Variants in HNRNPU observed in about 807,000 individuals in gnomAD.
HNRNPU encodes the protein HNRNPU antisense RNA 1.
Under a neutral mutation model 94.7 loss-of-function variants are expected in HNRNPU, and 5 were observed. The ratio of observed to expected loss-of-function variants is 0.05; its 90% CI spans 0.03 to 0.11. The LOEUF is 0.11. Among genes scored for constraint, HNRNPU ranks in the 10% least tolerant of loss-of-function variants. The probability of loss-of-function intolerance (pLI) is 1.00; values close to 1 mark genes in which losing one functional copy is unlikely to be tolerated. For synonymous variants in HNRNPU, 434 were observed against 381.6 expected (o/e 1.14, Z -1.60); for missense variants, 710 against 1,049.2 (o/e 0.68, Z 4.47).
chr1:244,864,032 C>G lies in HNRNPU; in HGVS notation c.276G>C (p.Glu92Asp). 6.2e-7 allele frequency: 1 copy of G among 1,611,662 alleles called. No homozygotes were observed. Residue 92 changes from glutamate (E) to aspartate (D), a missense_variant, in exon 1 of 14, where the codon GAG becomes GAC. Transcript: ENST00000640218. ...GDEEEEEEEE[E>D]EEGISALDGD... is the part of the protein sequence containing the mutation. Reference sequence around the variant, plus strand: ...CGTCCAGAGCGGAGATTCCTTCCTCCTCCTCTTCCTCTTCCTCCTCCTCTT... The same window carrying G: ...CGTCCAGAGCGGAGATTCCTTCCTCGTCCTCTTCCTCTTCCTCCTCCTCTT...
rs1390072483 is a variant in HNRNPU, at chr1:244,863,835, T to C, written c.473A>G (p.His158Arg). The change falls in exon 1 of 14, where the codon CAC (histidine) becomes CGC (arginine). Residue 158 changes from histidine (H) to arginine (R), a missense_variant. His to Arg is a conservative substitution (Grantham distance 29, BLOSUM62 0). Transcript: ENST00000640218. The stretch of plus-strand genomic sequence containing the variant: ...CGGCGGTTGAGGCTGCTGCTCCCCG[T>C]GCCCGTTCTCGTCGCCCGCGCCTTC... ...EEEGAGDENG[H>R]GEQQPQPPAT... The C allele has an allele frequency of 6.2e-7, 1 of 1,611,912 alleles. No homozygotes were observed. Among genetic ancestry groups the C allele is most frequent in the South Asian group, 1.1e-5 (1 of 90,970 alleles).
At chr1:244,858,872 A>ATG (rs749876062) in intron 5 of HNRNPU, 31 bp from the exon 6 acceptor site, 16 of 1,037,990 alleles carry the variant, frequency 1.5e-5, no homozygotes, top group Non-Finnish European at 2.4e-5. Context: ...CATGAAGTAG[A>ATG]TGTTTAAAAT....
At chr1:244,858,866 A>AATTATTTTCATGTTTAAAAT in intron 5 of HNRNPU, 25 bp from the exon 6 acceptor site, 1 of 1,096,884 alleles carries the variant, frequency 9.1e-7, no homozygotes, top group South Asian at 1.3e-5. Context: ...AATCTTCATG[A>AATTATTTTCATGTTTAAAAT]AGTAGATGTT....
intron 4 of HNRNPU, 148 bp downstream of exon 4, chr1:244,860,187 C>A (rs1427648569): frequency 3.1e-5 from 19 of 605,438 alleles, no homozygotes; most frequent in Non-Finnish European, 4.6e-5. Flanking sequence ...CTAGTCCGAG[C>A]TACTTGAGAG....
At position 244,852,414 on chromosome 1, in the gene HNRNPU, T is replaced by G. The variant is rs943917962; in HGVS notation, c.*2036A>C. The stretch of plus-strand genomic sequence containing the variant: ...TAAAATGAATTCCTTAATAAGCAAT[T>G]TTAAACTAGAAGATATATCCAAAAC... On this transcript the variant is annotated 3_prime_UTR_variant, in exon 14 of 14. Transcript: ENST00000640218. The G allele has an allele frequency of 1.3e-5, 2 of 152,162 alleles. No individual in the cohort carries two copies. Among genetic ancestry groups the G allele is most frequent in the Non-Finnish European group, 2.9e-5 (2 of 68,014 alleles). 9.4% of individuals were successfully genotyped at this position (152,162 alleles called of 1,614,324 possible).
rs1020599831 is a variant in HNRNPU at position 244,850,989 on chromosome 1, T to C, written c.*3461A>G. 6.6e-5 allele frequency: 10 copies of C among 152,254 alleles called. No individual in the cohort carries two copies. The highest frequency in any genetic ancestry group is 2.2e-4 in the African/African-American group (9 of 41,542). The allele number at this position is 152,254 out of a possible 1,614,324, so 9.4% of individuals were successfully genotyped here. A position where few individuals can be genotyped will look rare whatever the true frequency, so the allele number is the denominator to read the frequency against. The stretch of plus-strand genomic sequence containing the variant: ...ACAAGTTCCATCCACTTTTTTTTTT[T>C]CAAGAGACCAGGTCTCACTATGTTG... On this transcript the variant is annotated 3_prime_UTR_variant, in exon 14 of 14. Coordinates refer to ENST00000640218, the MANE Select transcript of HNRNPU (RefSeq NM_031844.3).
intron 11 of HNRNPU, 100 bp downstream of exon 11, chr1:244,855,804 T>C (rs1468825620): frequency 2.2e-6 from 3 of 1,391,536 alleles, no homozygotes; most frequent in Non-Finnish European, 2.0e-6. Flanking sequence ...ACTGTGACAG[T>C]ATACCATTAA....
intron 5 of HNRNPU, 153 bp from the exon 6 acceptor site, chr1:244,858,994 T>A (rs114666254): frequency 6.7e-6 from 4 of 597,568 alleles, no homozygotes; most frequent in Admixed American, 3.2e-5. Flanking sequence ...TGTACCAGAA[T>A]TGATGGAAGT....
chr1:244,853,064 T>C lies in HNRNPU; in HGVS notation c.*1386A>G, dbSNP rs1680588840. 6.6e-6 allele frequency: 1 copy of C among 152,602 alleles called. No individual in the cohort carries two copies. The highest frequency in any genetic ancestry group is 1.5e-5 in the Non-Finnish European group (1 of 68,014). The allele number at this position is 152,602 out of a possible 1,614,324, so 9.5% of individuals were successfully genotyped here. A position where few individuals can be genotyped will look rare whatever the true frequency, so the allele number is the denominator to read the frequency against. ...TCTGATCCCAGAGTTTCATGTATCA[T>C]ATATATGTATATAAAATAATCAGTT... is the stretch of plus-strand genomic sequence containing the variant. On this transcript the variant is annotated 3_prime_UTR_variant, in exon 14 of 14. Coordinates refer to ENST00000640218, the MANE Select transcript of HNRNPU (RefSeq NM_031844.3).
At chr1:244,861,400 T>C (rs1377395726) in intron 3 of HNRNPU, 1 of 152,332 alleles carries the variant, frequency 6.6e-6, no homozygotes, top group Non-Finnish European at 1.5e-5. Context: ...TGCCAATTCC[T>C]AGCAACTTAT....
At chr1:244,862,758 C>G in intron 1 of HNRNPU, 28 bp from the exon 2 acceptor site, 2 of 1,548,982 alleles carry the variant, frequency 1.3e-6, no homozygotes, top group Non-Finnish European at 1.8e-6. Flanking sequence ...CCCATAAAGG[C>G]CAAGCCTCTA....
chr1:244,858,474 A>T lies in HNRNPU; in HGVS notation c.1231-200T>A, dbSNP rs112642178. The T allele has an allele frequency of 7.2e-3, 4,440 of 613,930 alleles. 152 individuals carry two copies. In the African/African-American group the frequency reaches 0.074, roughly 10 times the overall value. The allele number at this position is 613,930 out of a possible 1,614,324, so 38.0% of individuals were successfully genotyped here. A position where few individuals can be genotyped will look rare whatever the true frequency, so the allele number is the denominator to read the frequency against. The stretch of plus-strand genomic sequence containing the variant: ...ACGTATCTCCAGAACCAGAAACAAT[A>T]CTGACCTAGAAGCTAGACTGAATTT... On this transcript the variant is annotated intron_variant, in intron 6 of 13. Transcript: ENST00000640218.
chr1:244,852,457 G>A lies in HNRNPU; in HGVS notation c.*1993C>T, dbSNP rs1460900809. ...TCCAAAACTTTTTAAAGGCACAAAG[G>A]ACAACTTTAGGACACAACACTGATT... On this transcript the variant is annotated 3_prime_UTR_variant, in exon 14 of 14. Transcript: ENST00000640218. The A allele has an allele frequency of 6.6e-6, 1 of 152,040 alleles. No homozygotes were observed. Among genetic ancestry groups the A allele is most frequent in the Non-Finnish European group, 1.5e-5 (1 of 68,002 alleles). The allele number at this position is 152,040 out of a possible 1,614,324, so 9.4% of individuals were successfully genotyped here.
At position 244,858,072 on chromosome 1, in the gene HNRNPU, T is replaced by C. The variant is rs745596089; in HGVS notation, c.1433A>G (p.Asn478Ser). The C allele has an allele frequency of 3.2e-5, 52 of 1,613,982 alleles. No homozygotes were observed. Among genetic ancestry groups the C allele is most frequent in the Non-Finnish European group, 4.3e-5 (51 of 1,179,978 alleles). Residue 478 changes from asparagine (N) to serine (S), a missense_variant, in exon 7 of 14, where the codon AAC (asparagine) becomes AGC (serine). By Grantham distance (46) the Asn-to-Ser change is conservative (BLOSUM62 1). Around this residue, in one of 8 missense-constraint regions of HNRNPU, gnomAD observed 150 missense variants for 187.9 expected, o/e 0.80. Coordinates refer to ENST00000640218, the MANE Select transcript of HNRNPU (RefSeq NM_031844.3). ...TCTAACTCGATCCTCTAAGGGGACG[T>C]TCTGGATGAAAGTATACTCTTCAGG... ...PIPEEYTFIQ[N>S]VPLEDRVRGP...
chr1:244,853,992 A>T lies in HNRNPU; in HGVS notation c.*458T>A, dbSNP rs1376712060. On this transcript the variant is annotated 3_prime_UTR_variant, in exon 14 of 14. Transcript: ENST00000640218. ...ATGGAGTGTAATATGAGCAGTACAGAGTCTTAATGCAATTCATGAGGACCA... is the reference window on the plus strand; with the variant it reads ...ATGGAGTGTAATATGAGCAGTACAGTGTCTTAATGCAATTCATGAGGACCA... 1 of 182,238 alleles carries T rather than the reference A, an allele frequency of 5.5e-6. No individual in the cohort carries two copies. The allele number at this position is 182,238 out of a possible 1,614,324, so 11.3% of individuals were successfully genotyped here. A position where few individuals can be genotyped will look rare whatever the true frequency, so the allele number is the denominator to read the frequency against.
At position 244,850,561 on chromosome 1, in the gene HNRNPU, G is replaced by A. The variant is rs540917842; in HGVS notation, c.*3889C>T. On this transcript the variant is annotated 3_prime_UTR_variant, in exon 14 of 14. Transcript: ENST00000640218. ...ATTTAGGCAATTAACAATTCGAAGA[G>A]ACTTGTGGTTTATGTATTAGTAATT... The A allele has an allele frequency of 7.1e-5, 10 of 140,364 alleles. 1 individual carries two copies. The highest frequency in any genetic ancestry group is 2.6e-4 in the African/African-American group (10 of 38,522). The allele number at this position is 140,364 out of a possible 1,614,324, so 8.7% of individuals were successfully genotyped here.
At position 244,858,164 on chromosome 1, in the gene HNRNPU, A is replaced by G. The variant is rs768172276; in HGVS notation, c.1341T>C (p.His447=). ...CAACTGCACAGTTGTGGCAGAGAAC[A>G]TGCGGGAACAGTGGCCGTCCAGCAA... The part of the protein sequence containing the change: ...EVLAGRPLFP[H]VLCHNCAVEF... The change falls in exon 7 of 14, where the codon CAT becomes CAC. Residue 447 remains histidine (H), a synonymous_variant. Coordinates refer to ENST00000640218, the MANE Select transcript of HNRNPU (RefSeq NM_031844.3). The G allele has an allele frequency of 6.2e-7, 1 of 1,614,194 alleles. No individual in the cohort carries two copies. Among genetic ancestry groups the G allele is most frequent in the African/African-American group, 1.3e-5 (1 of 75,044 alleles).
At chr1:244,857,850 G>T in intron 7 of HNRNPU, 133 bp from the exon 8 acceptor site, 1 of 1,353,692 alleles carries the variant, frequency 7.4e-7, no homozygotes, top group Non-Finnish European at 1.0e-6. Flanking sequence ...TTTGTTTATG[G>T]AAAGATTAAC....
At position 244,863,761 on chromosome 1, in the gene HNRNPU, C is replaced by T; in HGVS notation, c.547G>A (p.Ala183Thr). Residue 183 changes from alanine to threonine, a missense_variant, in exon 1 of 14, where the codon GCC (alanine) becomes ACC (threonine). Transcript: ENST00000640218. The part of the protein sequence containing the change: ...PQQQRGAAKE[A>T]AGKSSGPTSL... The stretch of plus-strand genomic sequence containing the variant: ...GTGGGGCCGCTGCTCTTCCCCGCGG[C>T]CTCCTTGGCGGCCCCGCGCTGCTGT... The T allele has an allele frequency of 6.3e-7, 1 of 1,590,374 alleles. No homozygotes were observed. The highest frequency in any genetic ancestry group is 8.5e-7 in the Non-Finnish European group (1 of 1,171,188).
Sources: gnomAD v4.1 joint callset for allele counts on GRCh38, gnomAD v4.1.1 for gene constraint, gnomAD v4.1.1 regional missense constraint, MANE v1.5 for transcripts, NCBI Gene and HGNC (gene_info 2026-07-23, HGNC 2026-07-21) for gene names.